The following PPP2R2D variants were observed in gnomAD, a reference collection of about 807,000 sequenced individuals.
PPP2R2D encodes protein phosphatase 2 regulatory subunit Bdelta.
A neutral mutation model predicts 31.1 loss-of-function variants in PPP2R2D; 9 were observed. The ratio of observed to expected loss-of-function variants is 0.29; its 90% CI spans 0.17 to 0.51. The LOEUF is 0.51. Among genes scored for constraint, PPP2R2D ranks in the 20% least tolerant of loss-of-function variants. The probability of loss-of-function intolerance (pLI) is 0.98; values close to 1 mark genes in which losing one functional copy is unlikely to be tolerated. For missense variants in PPP2R2D, 391 were observed against 465.6 expected (o/e 0.84, Z 1.48); for synonymous variants, 179 against 172.6 (o/e 1.04, Z -0.29).
Position 131,957,653 on chromosome 10 carries a change from CT to C in PPP2R2D, c.*1691del, listed in dbSNP as rs2120069853. On this transcript the variant is annotated 3_prime_UTR_variant, in exon 9 of 9. Transcript: ENST00000455566. ...GGAGATGAAGGGATATGCTGATCCC[CT>C]GTCCCACTGTGGAGATGAAGGGGTG... The C allele has an allele frequency of 1.8e-5, 3 of 167,362 alleles. No homozygotes were observed. Among genetic ancestry groups the C allele is most frequent in the East Asian group, 1.9e-4 (1 of 5,196 alleles). The allele number at this position is 167,362 out of a possible 1,614,324, so 10.4% of individuals were successfully genotyped here. A position where few individuals can be genotyped will look rare whatever the true frequency, so the allele number is the denominator to read the frequency against.
rs2036511979 is a variant in PPP2R2D, at chr10:131,945,152, C to G, written c.656-143C>G. 1 of 935,078 alleles carries G rather than the reference C, an allele frequency of 1.1e-6. No individual in the cohort carries two copies. The highest frequency in any genetic ancestry group is 1.5e-6 in the Non-Finnish European group (1 of 649,274). The allele number at this position is 935,078 out of a possible 1,614,324, so 57.9% of individuals were successfully genotyped here. A position where few individuals can be genotyped will look rare whatever the true frequency, so the allele number is the denominator to read the frequency against. On this transcript the variant is annotated intron_variant, in intron 6 of 8. Coordinates refer to ENST00000455566, the MANE Select transcript of PPP2R2D (RefSeq NM_018461.5). This position sits in a 1 kb window ranked among gnomAD's most constrained non-coding sequence, Gnocchi z 4.8. ...CCTTACCAGGCGCTCCTTTGGAATT[C>G]GGGATGTGTAACCAGCCTTCTTAAT...
intron 4 of PPP2R2D, 141 bp from the exon 5 acceptor site, chr10:131,940,441 A>G (rs782625578): frequency 2.3e-5 from 14 of 604,706 alleles, no homozygotes; most frequent in African/African-American, 3.7e-5. Flanking sequence ...AACACCTCCA[A>G]TTGGAAATAT....
At chr10:131,912,353 T>A (rs1403067011) in intron 2 of PPP2R2D, 1 of 152,240 alleles carries the variant, frequency 6.6e-6, no homozygotes, top group Non-Finnish European at 1.5e-5. Context: ...CATGCCCAGC[T>A]TTTTTCTATT....
chr10:131,929,446 A>G (rs1475427437), intron 2 of PPP2R2D, among the ~76,000 whole-genome samples: 6 of 152,182 alleles, frequency 3.9e-5, no homozygotes, highest in African/African-American at 7.2e-5. Context: ...GCTTAAAAAG[A>G]TAAGCTGCTG....
At chr10:131,931,302 G>A (rs1554895652) in intron 2 of PPP2R2D, among the ~76,000 whole-genome samples, 2 of 152,228 alleles carry the variant, frequency 1.3e-5, no homozygotes, top group South Asian at 2.1e-4. Context: ...AACATGATTC[G>A]GGCTTTCCCG....
chr10:131,949,469 T>G (rs1554898539), intron 8 of PPP2R2D, among the ~76,000 whole-genome samples: 1 of 152,050 alleles, frequency 6.6e-6, no homozygotes, highest in African/African-American at 2.4e-5. Context: ...TTCGTCACAT[T>G]AAAATCATCT....
rs1564818758 is a variant in PPP2R2D at position 131,934,653 on chromosome 10, T to C, written c.198+98T>C. On this transcript the variant is annotated intron_variant, in intron 3 of 8. Transcript: ENST00000455566. ...AAAATTATTTTCTCATTGTCTCATT[T>C]CATTAAGATTCAGTTCCATCACATT... 3 of 704,286 alleles carry C rather than the reference T, an allele frequency of 4.3e-6. No homozygotes were observed. In the African/African-American group the frequency reaches 5.3e-5, roughly 12 times the overall value. The allele number at this position is 704,286 out of a possible 1,614,324, so 43.6% of individuals were successfully genotyped here. A position where few individuals can be genotyped will look rare whatever the true frequency, so the allele number is the denominator to read the frequency against.
At chr10:131,906,932 C>A (rs2035597541) in intron 2 of PPP2R2D, among the ~76,000 whole-genome samples, 1 of 151,436 alleles carries the variant, frequency 6.6e-6, no homozygotes, top group South Asian at 2.1e-4. Context: ...TAGAGTGAGA[C>A]CTTGTCTCAG....
intron 3 of PPP2R2D, chr10:131,934,956 C>G (rs1397562761): frequency 4.4e-6 from 2 of 456,204 alleles, no homozygotes; most frequent in Non-Finnish European, 8.8e-6. Context: ...TCAGCACTTC[C>G]TGCAGAGAAG....
In PPP2R2D at chr10:131,957,736, T is replaced by C; in HGVS notation, c.*1773T>C. The C allele has an allele frequency of 6.6e-6, 1 of 151,288 alleles. No individual in the cohort carries two copies. Among genetic ancestry groups the C allele is most frequent in the East Asian group, 2.3e-4 (1 of 4,384 alleles). 9.4% of individuals were successfully genotyped at this position (151,288 alleles called of 1,614,324 possible). Reference sequence around the variant, plus strand: ...GGTGTGTGCTGATCCCCCATCTCCCTGTGGAGATGAAGGGGTGTGCCAATC... The same window carrying C: ...GGTGTGTGCTGATCCCCCATCTCCCCGTGGAGATGAAGGGGTGTGCCAATC... On this transcript the variant is annotated 3_prime_UTR_variant, in exon 9 of 9. Transcript: ENST00000455566.
At chr10:131,946,955 G>T (rs1480401186) in intron 7 of PPP2R2D, among the ~76,000 whole-genome samples, 4 of 152,094 alleles carry the variant, frequency 2.6e-5, no homozygotes, top group African/African-American at 7.2e-5. Context: ...CCGTCTTGGT[G>T]GTTAAAATCA....
chr10:131,945,707 T>C lies in PPP2R2D; in HGVS notation c.820+248T>C. 1 of 451,930 alleles carries C rather than the reference T, an allele frequency of 2.2e-6. No homozygotes were observed. The highest frequency in any genetic ancestry group is 3.9e-6 in the Non-Finnish European group (1 of 253,422). The allele number at this position is 451,930 out of a possible 1,614,324, so 28.0% of individuals were successfully genotyped here. A position where few individuals can be genotyped will look rare whatever the true frequency, so the allele number is the denominator to read the frequency against. On this transcript the variant is annotated intron_variant, in intron 7 of 8. Coordinates refer to ENST00000455566, the MANE Select transcript of PPP2R2D (RefSeq NM_018461.5). This position sits in a 1 kb window ranked among gnomAD's most constrained non-coding sequence, Gnocchi z 4.8. ...CTCAGGTGATCCCCCTACCTCGGCC[T>C]CCCAAAGTGCTGGGATTACAGGTGT...
intron 3 of PPP2R2D, among the ~76,000 whole-genome samples, chr10:131,935,803 C>G (rs1194348994): frequency 2.0e-5 from 3 of 152,142 alleles, no homozygotes; most frequent in Admixed American, 2.0e-4. Flanking sequence ...GTGGCTCACG[C>G]CTGTAATCCC....
In PPP2R2D at chr10:131,959,570, T is replaced by G. The variant is rs2036895018; in HGVS notation, c.*3607T>G. On this transcript the variant is annotated 3_prime_UTR_variant, in exon 9 of 9. Transcript: ENST00000455566. ...TGGGCAAGAACAGGATGTCCGTCAT[T>G]ACCCTGAATCAATGCTAACACAGTG... The G allele has an allele frequency of 6.4e-6, 1 of 157,384 alleles. No individual in the cohort carries two copies. Among genetic ancestry groups the G allele is most frequent in the South Asian group, 1.8e-4 (1 of 5,534 alleles). The allele number at this position is 157,384 out of a possible 1,614,324, so 9.7% of individuals were successfully genotyped here.
chr10:131,928,641 T>C (rs782158101), intron 2 of PPP2R2D, among the ~76,000 whole-genome samples: 1 of 152,208 alleles, frequency 6.6e-6, no homozygotes, highest in Non-Finnish European at 1.5e-5. Context: ...CCTTGAAGGC[T>C]GCGGCAACCC....
chr10:131,962,194 C>T (rs1554901559), downstream of PPP2R2D, among the ~76,000 whole-genome samples: 1 of 152,190 alleles, frequency 6.6e-6, no homozygotes, highest in East Asian at 1.9e-4. Context: ...AATCGAGCAG[C>T]GGGGCTCGCA....
Position 131,958,684 on chromosome 10 carries a change from C to T in PPP2R2D, c.*2721C>T, listed in dbSNP as rs1214578861. The T allele has an allele frequency of 9.5e-5, 23 of 242,184 alleles. No individual in the cohort carries two copies. Among genetic ancestry groups the T allele is most frequent in the Admixed American group, 1.2e-4 (2 of 16,392 alleles). The allele number at this position is 242,184 out of a possible 1,614,324, so 15.0% of individuals were successfully genotyped here. A position where few individuals can be genotyped will look rare whatever the true frequency, so the allele number is the denominator to read the frequency against. On this transcript the variant is annotated 3_prime_UTR_variant, in exon 9 of 9. Coordinates refer to ENST00000455566, the MANE Select transcript of PPP2R2D (RefSeq NM_018461.5). The stretch of plus-strand genomic sequence containing the variant: ...TGGAGATGAAGATGTGTGCTGATCC[C>T]CCGTCCTCCTGTGGAGATGAAGGTG...
chr10:131,934,600 T>C (rs1161053408), intron 3 of PPP2R2D, 45 bp downstream of exon 3: 2 of 764,220 alleles, frequency 2.6e-6, no homozygotes, highest in Non-Finnish European at 4.9e-6. Context: ...TATTCAACCT[T>C]TCGCATATAA....
downstream of PPP2R2D, among the ~76,000 whole-genome samples, chr10:131,962,633 A>C (rs1554901617): frequency 6.6e-6 from 1 of 152,166 alleles, no homozygotes; most frequent in Non-Finnish European, 1.5e-5. Context: ...GCAGATTTGC[A>C]GGGACCGTCC....
Sources: allele counts gnomAD v4.1 joint callset (sites outside exome capture counted in the v4.1 genomes callset), GRCh38; gene constraint gnomAD v4.1.1; non-coding constraint Gnocchi (gnomAD v3.1); transcripts MANE v1.5; gene names NCBI Gene and HGNC (gene_info 2026-07-23, HGNC 2026-07-21).